Variants in CDH4 observed in about 807,000 individuals in gnomAD.
CDH4 encodes the protein cadherin-4.
In CDH4, 33 loss-of-function variants were observed where a neutral mutation model predicts 86.0. The ratio of observed to expected loss-of-function variants is 0.38; its 90% CI spans 0.29 to 0.51. CDH4 has a LOEUF of 0.51. Ranked by LOEUF, CDH4 falls within the 20% of genes least tolerant of loss-of-function variation. The probability of loss-of-function intolerance (pLI) is 0.86; values close to 1 mark genes in which losing one functional copy is unlikely to be tolerated. For synonymous variants in CDH4, 555 were observed against 549.4 expected, an observed-to-expected ratio of 1.01 and a Z score of -0.14; for missense variants, 1,114 against 1,307.4, an observed-to-expected ratio of 0.85 and a Z score of 2.28.
chr20:61,706,519 C>T (rs554028838), intron 2 of CDH4, among the ~76,000 whole-genome samples: 20 of 152,272 alleles, frequency 1.3e-4, no homozygotes, highest in African/African-American at 4.3e-4. Context: ...AGTTTAGCTA[C>T]GACGAAGACT....
chr20:61,644,347 A>T (rs2087039674), intron 2 of CDH4, among the ~76,000 whole-genome samples: 1 of 152,206 alleles, frequency 6.6e-6, no homozygotes, highest in African/African-American at 2.4e-5. Flanking sequence ...CTCCTCACAG[A>T]TGCACAGGGC....
At chr20:61,607,993 C>T (rs951896276) in intron 2 of CDH4, among the ~76,000 whole-genome samples, 13 of 152,152 alleles carry the variant, frequency 8.5e-5, no homozygotes, top group Non-Finnish European at 1.3e-4. Flanking sequence ...CATCCACATT[C>T]CTAGAACCCT....
chr20:61,286,158 C>T (rs2084292106), intron 2 of CDH4, among the ~76,000 whole-genome samples: 1 of 152,224 alleles, frequency 6.6e-6, no homozygotes, highest in Non-Finnish European at 1.5e-5. Context: ...TCTCAATGCC[C>T]TTTTGCACTG....
chr20:61,397,815 A>G (rs1274247377), intron 2 of CDH4, among the ~76,000 whole-genome samples: 1 of 152,202 alleles, frequency 6.6e-6, no homozygotes, highest in East Asian at 1.9e-4. Context: ...CATGGATTGG[A>G]CAAATTAATA....
chr20:61,422,314 C>G (rs952293224), intron 2 of CDH4, among the ~76,000 whole-genome samples: 9 of 151,298 alleles, frequency 5.9e-5, no homozygotes, highest in Non-Finnish European at 1.3e-4. Context: ...ATCCCAGCTA[C>G]TCGGGGGGCT....
At chr20:61,298,090 G>A (rs1455108419) in intron 2 of CDH4, among the ~76,000 whole-genome samples, 2 of 152,182 alleles carry the variant, frequency 1.3e-5, no homozygotes, top group Admixed American at 6.5e-5. Context: ...AGCAACTTTG[G>A]CATTCATTGG....
chr20:61,533,365 A>T (rs1367672236), intron 2 of CDH4, among the ~76,000 whole-genome samples: 2 of 152,190 alleles, frequency 1.3e-5, no homozygotes, highest in African/African-American at 4.8e-5. Flanking sequence ...GCCCCTGGTC[A>T]AGTGGGTGTG....
At chr20:61,931,709 G>A (rs2055112646) in intron 13 of CDH4, among the ~76,000 whole-genome samples, 1 of 152,174 alleles carries the variant, frequency 6.6e-6, no homozygotes, top group South Asian at 2.1e-4. Flanking sequence ...GGTGCGCCAG[G>A]CTTTTCCTGC....
chr20:61,518,337 G>C lies in CDH4; in HGVS notation c.170-225226G>C, dbSNP rs1459124565. On this transcript the variant is annotated intron_variant, in intron 2 of 15. Coordinates refer to ENST00000614565, the MANE Select transcript of CDH4 (RefSeq NM_001794.5). This position sits in a 1 kb window ranked among gnomAD's most constrained non-coding sequence, Gnocchi z 6.3. Reference sequence around the variant, plus strand: ...CTTAACCACCTCTTCCCTATGCTAAGTCTGTTCCACCTAAAGGAAAGGTAC... The same window carrying C: ...CTTAACCACCTCTTCCCTATGCTAACTCTGTTCCACCTAAAGGAAAGGTAC... Among the ~76,000 whole-genome samples the C allele has an allele frequency of 6.6e-6, 1 of 152,132 alleles. No homozygotes were observed. The highest frequency in any genetic ancestry group is 1.5e-5 in the Non-Finnish European group (1 of 68,026).
rs2085502466 is a variant in CDH4, at chr20:61,471,433, T to C, written c.169+216496T>C. Among the ~76,000 whole-genome samples, 5 of 152,114 alleles carry C rather than the reference T, an allele frequency of 3.3e-5. No homozygotes were observed. The South Asian group carries it at 1.0e-3, about 32-fold the overall frequency. On this transcript the variant is annotated intron_variant, in intron 2 of 15. Coordinates refer to ENST00000614565, the MANE Select transcript of CDH4 (RefSeq NM_001794.5). The stretch of plus-strand genomic sequence containing the variant: ...TCTCTCTTTTTTTTCTCAATCTAGC[T>C]AAAGGTTTGTCAATTGTGTTTATCT...
intron 2 of CDH4, among the ~76,000 whole-genome samples, chr20:61,425,132 G>C (rs1015748755): frequency 6.6e-6 from 1 of 152,198 alleles, no homozygotes; most frequent in Non-Finnish European, 1.5e-5. Flanking sequence ...GTGGCTCCGC[G>C]AGCGCCTTGA....
intron 2 of CDH4, among the ~76,000 whole-genome samples, chr20:61,394,058 A>G (rs2085001950): frequency 2.0e-5 from 3 of 152,218 alleles, no homozygotes; most frequent in African/African-American, 7.2e-5. Flanking sequence ...ATCGAGAACT[A>G]TGCTGTGTGT....
rs372403142 is a variant in CDH4, at chr20:61,789,899, A to T, written c.576+16717A>T. ...AGACTTAGGTTTTCTATGAAAAATA[A>T]TGGAATCTGAAGCTAATCCATGTTG... On this transcript the variant is annotated intron_variant, in intron 4 of 15. Coordinates refer to ENST00000614565, the MANE Select transcript of CDH4 (RefSeq NM_001794.5). Among the ~76,000 whole-genome samples the T allele has an allele frequency of 2.2e-4, 34 of 152,360 alleles. No homozygotes were observed. The East Asian group carries it at 5.4e-3, about 24-fold the overall frequency.
At chr20:61,290,448 A>C (rs1354280749) in intron 2 of CDH4, among the ~76,000 whole-genome samples, 1 of 147,760 alleles carries the variant, frequency 6.8e-6, no homozygotes, top group Non-Finnish European at 1.5e-5. Flanking sequence ...ATATCCAATG[A>C]GACTTGCTGG....
chr20:61,612,941 C>T (rs1457411853), intron 2 of CDH4, among the ~76,000 whole-genome samples: 2 of 152,006 alleles, frequency 1.3e-5, no homozygotes, highest in African/African-American at 4.8e-5. Context: ...GAGCATTCTT[C>T]CATCATCTCT....
At chr20:61,731,755 G>A (rs376569646) in intron 2 of CDH4, among the ~76,000 whole-genome samples, 78 of 152,310 alleles carry the variant, frequency 5.1e-4, no homozygotes, top group African/African-American at 1.9e-3. Context: ...TGGCTCGTGG[G>A]GTAGAAGGTT....
At chr20:61,877,790 C>T (rs747046294) in intron 7 of CDH4, among the ~76,000 whole-genome samples, 2 of 152,178 alleles carry the variant, frequency 1.3e-5, no homozygotes, top group Admixed American at 6.5e-5. Flanking sequence ...GGACCAGCAT[C>T]GTGGGGGGAC....
In CDH4 at chr20:61,773,218, C is replaced by T. The variant is rs750193526; in HGVS notation, c.576+36C>T. The stretch of plus-strand genomic sequence containing the variant: ...ACCCCTCCCGCGGGCACGGGGGTCT[C>T]GGCGTTAGCAGTAGGCTCTTCTCCC... On this transcript the variant is annotated intron_variant, in intron 4 of 15. Coordinates refer to ENST00000614565, the MANE Select transcript of CDH4 (RefSeq NM_001794.5). The T allele has an allele frequency of 3.3e-5, 49 of 1,490,316 alleles. No homozygotes were observed. In the East Asian group the frequency reaches 6.5e-4, roughly 20 times the overall value. 92.3% of individuals were successfully genotyped at this position (1,490,316 alleles called of 1,614,324 possible). A position where few individuals can be genotyped will look rare whatever the true frequency, so the allele number is the denominator to read the frequency against.
intron 3 of CDH4, among the ~76,000 whole-genome samples, chr20:61,745,967 T>A (rs762623447): frequency 6.6e-6 from 1 of 151,710 alleles, no homozygotes; most frequent in Non-Finnish European, 1.5e-5. Context: ...CGCTAGACAG[T>A]CCCCGTGGGA....
Sources: gnomAD v4.1 joint callset for allele counts (sites outside exome capture counted in the v4.1 genomes callset) on GRCh38, gnomAD v4.1.1 for gene constraint, Gnocchi (gnomAD v3.1) non-coding constraint, MANE v1.5 for transcripts, NCBI Gene and HGNC (gene_info 2026-07-23, HGNC 2026-07-21) for gene names.